Variants in RECQL5 observed in about 807,000 individuals in gnomAD.
RECQL5 encodes the protein RecQ like helicase 5.
Under a neutral mutation model 103.4 loss-of-function variants are expected in RECQL5, and 88 were observed. The observed-to-expected ratio is 0.85, with a 90% CI of 0.72 to 1.02. The LOEUF is 1.02. Among genes scored for constraint, RECQL5 ranks in the 50% least tolerant of loss-of-function variants. The probability of loss-of-function intolerance (pLI) is 0.00; values close to 1 mark genes in which losing one functional copy is unlikely to be tolerated. For synonymous variants in RECQL5, 552 were observed against 507.9 expected (o/e 1.09, Z -1.17); for missense variants, 1,232 against 1,284.3 (o/e 0.96, Z 0.62).
rs140219597 is a variant in RECQL5 at position 75,641,703 on chromosome 17, T to A, written c.1229+9483A>T. Among the ~76,000 whole-genome samples the A allele has an allele frequency of 8.5e-4, 130 of 152,314 alleles. 2 individuals are homozygous for A. In the East Asian group the frequency reaches 0.023, roughly 27 times the overall value. On this transcript the variant is annotated intron_variant, in intron 8 of 19. Transcript: ENST00000317905. Reference sequence around the variant, plus strand: ...TAAGCTCAGGAACAGCACTTTACTCTGTCAACTGCCTGCACCTTTGGCCTG... The same window carrying A: ...TAAGCTCAGGAACAGCACTTTACTCAGTCAACTGCCTGCACCTTTGGCCTG...
chr17:75,640,143 A>G lies in RECQL5; in HGVS notation c.1230-8475T>C, dbSNP rs937302205. On this transcript the variant is annotated intron_variant, in intron 8 of 19. Coordinates refer to ENST00000317905, the MANE Select transcript of RECQL5 (RefSeq NM_004259.7). This position sits in a 1 kb window ranked among gnomAD's most constrained non-coding sequence, Gnocchi z 4.6. ...GTGTGGGGCCAGCCGTGGAGGCTCC[A>G]GGTGTTCTCTCTGCCCCAGCAGAGC... The G allele has an allele frequency of 2.7e-6, 4 of 1,492,290 alleles. 1 individual carries two copies. The highest frequency in any genetic ancestry group is 1.8e-6 in the Non-Finnish European group (2 of 1,123,392). The allele number at this position is 1,492,290 out of a possible 1,614,324, so 92.4% of individuals were successfully genotyped here. A position where few individuals can be genotyped will look rare whatever the true frequency, so the allele number is the denominator to read the frequency against.
intron 7 of RECQL5, among the ~76,000 whole-genome samples, chr17:75,655,653 C>T (rs2059610471): frequency 1.3e-5 from 2 of 148,870 alleles, no homozygotes; most frequent in Non-Finnish European, 3.0e-5. Flanking sequence ...CGTGAGCCAC[C>T]GCACCTGGCC....
intron 18 of RECQL5, 129 bp from the exon 19 acceptor site, chr17:75,627,821 C>T: frequency 2.6e-6 from 2 of 758,942 alleles, no homozygotes; most frequent in Non-Finnish European, 2.1e-6. Context: ...AGATCGAGAC[C>T]ATCCTGGCTA....
At chr17:75,631,366 C>T (rs963789624) in intron 9 of RECQL5, 84 bp downstream of exon 9, 6 of 1,537,044 alleles carry the variant, frequency 3.9e-6, no homozygotes, top group African/African-American at 2.7e-5. Flanking sequence ...ATTGCGGCAT[C>T]GTGCCACCTC....
At chr17:75,651,112 G>T (rs1193861642) in intron 8 of RECQL5, 74 bp downstream of exon 8, 2 of 1,612,596 alleles carry the variant, frequency 1.2e-6, no homozygotes, top group Middle Eastern at 1.7e-4. Flanking sequence ...TATGTCAGCT[G>T]CTTAACTAGG....
chr17:75,636,333 G>A lies in RECQL5; in HGVS notation c.1230-4665C>T, dbSNP rs1389762860. ...ACTGGTTGCCCTGGTTCGCAGGTGGGAAGTGTGGTTTTGGAAGGAGTTGGG... is the reference window on the plus strand; with the variant it reads ...ACTGGTTGCCCTGGTTCGCAGGTGGAAAGTGTGGTTTTGGAAGGAGTTGGG... On this transcript the variant is annotated intron_variant, in intron 8 of 19. Transcript: ENST00000317905. This position sits in a 1 kb window ranked among gnomAD's most constrained non-coding sequence, Gnocchi z 5.4. 6.6e-6 allele frequency among the ~76,000 whole-genome samples: 1 copy of A among 152,214 alleles called. No homozygotes were observed. The highest frequency in any genetic ancestry group is 2.4e-5 in the African/African-American group (1 of 41,450).
At position 75,640,080 on chromosome 17, in the gene RECQL5, C is replaced by T. The variant is rs1028675577; in HGVS notation, c.1230-8412G>A. ...CCTGACAAACTTGTTCTGCGGGCTG[C>T]GGATGGGTGCGAGGGTGGAATCTCG... is the stretch of plus-strand genomic sequence containing the variant. On this transcript the variant is annotated intron_variant, in intron 8 of 19. Transcript: ENST00000317905. This position sits in a 1 kb window ranked among gnomAD's most constrained non-coding sequence, Gnocchi z 4.6. 7.4e-6 allele frequency: 10 copies of T among 1,347,936 alleles called. No homozygotes were observed. The highest frequency in any genetic ancestry group is 1.5e-5 in the South Asian group (1 of 65,306). The allele number at this position is 1,347,936 out of a possible 1,614,324, so 83.5% of individuals were successfully genotyped here.
intron 8 of RECQL5, chr17:75,650,097 C>T (rs1401294479): frequency 1.0e-6 from 1 of 985,630 alleles, no homozygotes; most frequent in Non-Finnish European, 1.2e-6. Context: ...CATTCCTCAC[C>T]AGAAATAAGA....
chr17:75,655,912 C>T (rs1443457582), intron 7 of RECQL5, among the ~76,000 whole-genome samples: 2 of 151,520 alleles, frequency 1.3e-5, no homozygotes, highest in African/African-American at 2.4e-5. Flanking sequence ...GAACTCCTAA[C>T]CTCAGGTGAT....
At chr17:75,660,925 C>A (rs372389895) in intron 6 of RECQL5, 30 bp downstream of exon 6, 6 of 1,542,672 alleles carry the variant, frequency 3.9e-6, no homozygotes, top group Non-Finnish European at 5.4e-6. Flanking sequence ...AGGCCCAGAC[C>A]AGGAGGGCAG....
Position 75,649,678 on chromosome 17 carries a change from A to C in RECQL5, c.1229+1508T>G, listed in dbSNP as rs1437503297. ...GCTACACGCCAGTTATGCAATAAAG[A>C]AACATTCACTTATTCAAAGAACAGT... On this transcript the variant is annotated intron_variant, in intron 8 of 19. Transcript: ENST00000317905. The C allele has an allele frequency of 1.0e-5, 10 of 985,392 alleles. No individual in the cohort carries two copies. In the Admixed American group the frequency reaches 2.5e-4, roughly 24 times the overall value. 61.0% of individuals were successfully genotyped at this position (985,392 alleles called of 1,614,324 possible). A position where few individuals can be genotyped will look rare whatever the true frequency, so the allele number is the denominator to read the frequency against.
In RECQL5 at chr17:75,640,218, T is replaced by G; in HGVS notation, c.1230-8550A>C. 6 of 1,550,014 alleles carry G rather than the reference T, an allele frequency of 3.9e-6. No individual in the cohort carries two copies. The highest frequency in any genetic ancestry group is 5.2e-6 in the Non-Finnish European group (6 of 1,146,388). On this transcript the variant is annotated intron_variant, in intron 8 of 19. Coordinates refer to ENST00000317905, the MANE Select transcript of RECQL5 (RefSeq NM_004259.7). This position sits in a 1 kb window ranked among gnomAD's most constrained non-coding sequence, Gnocchi z 4.6. ...CAGCGCGGCATGGCTGCCACCGACT[T>G]CGTGCAGGAGATGCGCGCCGTGGGC...
At chr17:75,650,579 A>G (rs1403105293) in intron 8 of RECQL5, 11 of 1,570,606 alleles carry the variant, frequency 7.0e-6, no homozygotes, top group South Asian at 1.2e-5. Flanking sequence ...GATGAGATGA[A>G]TCCAAGAGCT....
At chr17:75,657,910 T>C (rs569362855) in intron 7 of RECQL5, among the ~76,000 whole-genome samples, 287 of 152,146 alleles carry the variant, frequency 1.9e-3, no homozygotes, top group Non-Finnish European at 3.5e-3. Flanking sequence ...TAGCTGGGCA[T>C]GGTGGCATGC....
At position 75,662,814 on chromosome 17, in the gene RECQL5, C is replaced by T; in HGVS notation, c.436G>A (p.Val146Met). The change falls in exon 4 of 20, where the codon GTG becomes ATG. Residue 146 changes from valine (V) to methionine (M), a missense_variant. Transcript: ENST00000317905. ...AAGTAAGACAGCAGGTGGCGGGACA[C>T]CAGGGAGTTCAGGGTGGGCTGGAAG... ...SSFQPTLNSL[V>M]SRHLLSYLVV... The T allele has an allele frequency of 6.2e-7, 1 of 1,614,076 alleles. No homozygotes were observed. The highest frequency in any genetic ancestry group is 8.5e-7 in the Non-Finnish European group (1 of 1,180,018).
In RECQL5 at chr17:75,643,097, G is replaced by A. The variant is rs541204501; in HGVS notation, c.1229+8089C>T. On this transcript the variant is annotated intron_variant, in intron 8 of 19. Coordinates refer to ENST00000317905, the MANE Select transcript of RECQL5 (RefSeq NM_004259.7). ...TGGTGCCCAATGAGGCACCCCTCCC[G>A]GAAGAAAAACACAGGGTAGTGGACG... 3.9e-5 allele frequency among the ~76,000 whole-genome samples: 6 copies of A among 152,306 alleles called. No individual in the cohort carries two copies. In the South Asian group the frequency reaches 1.0e-3, roughly 26 times the overall value.
intron 7 of RECQL5, among the ~76,000 whole-genome samples, chr17:75,655,739 G>A (rs2059611883): frequency 6.6e-6 from 1 of 151,934 alleles, no homozygotes; most frequent in African/African-American, 2.4e-5. Context: ...CCACTCCATG[G>A]TATGATCTCA....
At chr17:75,628,841 T>G (rs1167977028) in intron 16 of RECQL5, 79 bp from the exon 17 acceptor site, 1 of 1,596,314 alleles carries the variant, frequency 6.3e-7, no homozygotes, top group Non-Finnish European at 8.5e-7. Context: ...AGAGCCCATC[T>G]CAGGGGTGAG....
chr17:75,628,291 G>A lies in RECQL5; in HGVS notation c.2732C>T (p.Ser911Phe), dbSNP rs780410689. ...DPFQLSAPGVSLKEAANVVVK... is the reference protein window; with the variant it reads ...DPFQLSAPGVFLKEAANVVVK... ...CACAACATTTGCAGCCTCCTTCAAG[G>A]AGACGCCAGGAGCGGAGAGCTGGAA... is the stretch of plus-strand genomic sequence containing the variant. The change falls in exon 18 of 20, where the codon TCC becomes TTC. Residue 911 changes from serine to phenylalanine, a missense_variant. Ser to Phe is a radical substitution (Grantham distance 155). Transcript: ENST00000317905. 1.9e-6 allele frequency: 3 copies of A among 1,614,080 alleles called. No individual in the cohort carries two copies. In the African/African-American group the frequency reaches 4.0e-5, roughly 22 times the overall value.
Sources: gnomAD v4.1 joint callset for allele counts (sites outside exome capture counted in the v4.1 genomes callset) on GRCh38, gnomAD v4.1.1 for gene constraint, Gnocchi (gnomAD v3.1) non-coding constraint, MANE v1.5 for transcripts, NCBI Gene and HGNC (gene_info 2026-07-23, HGNC 2026-07-21) for gene names.